The following CCDC88A variants were observed in gnomAD, a reference collection of about 807,000 sequenced individuals.
The protein encoded by CCDC88A is girdin.
CCDC88A carries 54 observed loss-of-function variants against 234.3 expected under a neutral mutation model. The observed-to-expected ratio is 0.23, with a 90% CI of 0.19 to 0.29. The LOEUF is 0.29. Among genes scored for constraint, CCDC88A ranks in the 10% least tolerant of loss-of-function variants. CCDC88A has a pLI of 1.00. For missense variants in CCDC88A, 1,832 were observed against 2,123.4 expected (o/e 0.86, Z 2.70); for synonymous variants, 753 against 737.8 (o/e 1.02, Z -0.33).
intron 1 of CCDC88A, 26 bp from the exon 2 acceptor site, chr2:55,418,942 G>A (rs750391638): frequency 6.9e-6 from 11 of 1,601,938 alleles, no homozygotes; most frequent in Admixed American, 1.7e-5. Context: ...GGATCACCAC[G>A]ACATGAACGC....
intron 14 of CCDC88A, among the ~76,000 whole-genome samples, chr2:55,336,189 G>T (rs1034425674): frequency 6.6e-6 from 1 of 152,102 alleles, no homozygotes; most frequent in Non-Finnish European, 1.5e-5. Context: ...GCTGGACCCT[G>T]TCTCAAATAA....
chr2:55,393,865 T>A (rs1470121587), intron 2 of CCDC88A, among the ~76,000 whole-genome samples: 4 of 152,264 alleles, frequency 2.6e-5, no homozygotes, highest in Non-Finnish European at 5.9e-5. Context: ...ATGTCTGCTG[T>A]AATTTTCTGA....
intron 10 of CCDC88A, 115 bp from the exon 11 acceptor site, chr2:55,344,629 A>G (rs1317764745): frequency 2.0e-6 from 1 of 511,374 alleles, no homozygotes; most frequent in Non-Finnish European, 3.3e-6. Context: ...GCATGAGGAA[A>G]CCTACTGAGT....
rs1288587559 is a variant in CCDC88A, at chr2:55,418,997, A to G, written c.63+20T>C. 4 of 1,607,730 alleles carry G rather than the reference A, an allele frequency of 2.5e-6. No homozygotes were observed. The highest frequency in any genetic ancestry group is 2.2e-5 in the South Asian group (2 of 90,954). On this transcript the variant is annotated intron_variant, in intron 1 of 32. Transcript: ENST00000436346. ...CACAAATAACTCAGCAAAATATACA[A>G]TAAAGGACACCCCACTTACCCAAGT...
chr2:55,369,708 C>T (rs938176247), intron 5 of CCDC88A, among the ~76,000 whole-genome samples: 28 of 152,220 alleles, frequency 1.8e-4, no homozygotes, highest in Middle Eastern at 3.4e-3. Context: ...CCACCCACCA[C>T]CACCCCTGGC....
intron 2 of CCDC88A, among the ~76,000 whole-genome samples, chr2:55,397,649 C>G (rs1677854791): frequency 6.6e-6 from 1 of 151,862 alleles, no homozygotes; most frequent in African/African-American, 2.4e-5. Flanking sequence ...TTGTCCCTGA[C>G]AGAGTTGTTG....
intron 10 of CCDC88A, chr2:55,345,961 CCA>C: frequency 2.6e-6 from 1 of 383,842 alleles, no homozygotes; most frequent in Non-Finnish European, 4.6e-6. Context: ...AAGAAGAACC[CCA>C]GAGTTCAATA....
chr2:55,294,813 C>T (rs1326779816), intron 31 of CCDC88A: 5 of 1,020,402 alleles, frequency 4.9e-6, no homozygotes, highest in African/African-American at 1.7e-5. Context: ...GAAGGAGGAG[C>T]ATGTATGGTT....
intron 22 of CCDC88A, chr2:55,314,333 T>G (rs1264829383): frequency 6.6e-6 from 1 of 152,264 alleles, no homozygotes; most frequent in Non-Finnish European, 1.5e-5. Flanking sequence ...CCACTAAGGT[T>G]GTCTCGTTGT....
At chr2:55,318,348 C>T (rs1260062852) in intron 19 of CCDC88A, among the ~76,000 whole-genome samples, 2 of 152,082 alleles carry the variant, frequency 1.3e-5, no homozygotes, top group Non-Finnish European at 2.9e-5. Flanking sequence ...GGAGAGGGAA[C>T]TTGTTTCTGC....
intron 2 of CCDC88A, among the ~76,000 whole-genome samples, chr2:55,400,247 G>A (rs1022700662): frequency 2.6e-5 from 4 of 152,076 alleles, no homozygotes; most frequent in Admixed American, 6.6e-5. Flanking sequence ...TGGAAAGGCC[G>A]TTTTCTAAAA....
chr2:55,414,511 C>T (rs555531164), intron 2 of CCDC88A, among the ~76,000 whole-genome samples: 9 of 152,244 alleles, frequency 5.9e-5, no homozygotes, highest in South Asian at 2.1e-4. Flanking sequence ...TAGTTTAAGA[C>T]GATTGAAGTC....
intron 16 of CCDC88A, among the ~76,000 whole-genome samples, chr2:55,330,399 G>A (rs543484879): frequency 1.4e-4 from 22 of 152,150 alleles, no homozygotes; most frequent in African/African-American, 2.4e-4. Context: ...CTTGAACCTC[G>A]GAGGCGGAGG....
rs550950241 is a variant in CCDC88A, at chr2:55,343,751, T to C, written c.1230A>G (p.Glu410=). The C allele has an allele frequency of 6.8e-5, 109 of 1,611,158 alleles. 1 individual carries two copies. The highest frequency in any genetic ancestry group is 2.5e-4 in the South Asian group (23 of 90,656). The change falls in exon 12 of 33, where the codon GAA becomes GAG. Residue 410 remains glutamate, a synonymous_variant. Coordinates refer to ENST00000436346, the MANE Select transcript of CCDC88A (RefSeq NM_001365480.1). ...GTGCCATTTCCAAAGTCATATTTTC[T>C]TCCATTAATTCTTCAATCTTTTTTC... ...MDRKKIEELM[E]ENMTLEMAQK... is the part of the protein sequence containing the mutation.
chr2:55,312,756 G>A, intron 22 of CCDC88A, 177 bp from the exon 23 acceptor site: 1 of 505,226 alleles, frequency 2.0e-6, no homozygotes, highest in Non-Finnish European at 3.5e-6. Flanking sequence ...TGGGTTACAT[G>A]CTGTCTCTCT....
At position 55,296,512 on chromosome 2, in the gene CCDC88A, T is replaced by C. The variant is rs764784534; in HGVS notation, c.4837A>G (p.Asn1613Asp). ...TGGCTTTGTGGCCTGCTTTGGTTAT[T>C]AACTGCACCTGCTTTTGGAGTAAAT... is the stretch of plus-strand genomic sequence containing the variant. ...SLHEVKAGAV[N>D]NQSRPQSHSS... is the part of the protein sequence containing the mutation. Residue 1613 changes from asparagine (N) to aspartate (D), a missense_variant, in exon 30 of 33, where the codon AAT becomes GAT. Coordinates refer to ENST00000436346, the MANE Select transcript of CCDC88A (RefSeq NM_001365480.1). 3.7e-6 allele frequency: 6 copies of C among 1,613,734 alleles called. No individual in the cohort carries two copies. The highest frequency in any genetic ancestry group is 5.1e-6 in the Non-Finnish European group (6 of 1,179,816).
chr2:55,328,558 G>T lies in CCDC88A; in HGVS notation c.2856-123C>A. 1 of 612,132 alleles carries T rather than the reference G, an allele frequency of 1.6e-6. No homozygotes were observed. Among genetic ancestry groups the T allele is most frequent in the Non-Finnish European group, 2.6e-6 (1 of 383,544 alleles). The allele number at this position is 612,132 out of a possible 1,614,324, so 37.9% of individuals were successfully genotyped here. On this transcript the variant is annotated intron_variant, in intron 16 of 32. Transcript: ENST00000436346. The surrounding 1 kb of genome is among the most constrained non-coding windows in gnomAD (Gnocchi z 4.3). ...TTATAAAAGCATTTTTGTTAAAGAG[G>T]CAAATGAAATTATCCTCTTCTTACT...
At chr2:55,376,332 C>T (rs911310265) in intron 3 of CCDC88A, among the ~76,000 whole-genome samples, 8 of 152,128 alleles carry the variant, frequency 5.3e-5, no homozygotes, top group Admixed American at 3.3e-4. Context: ...CTGAGGAATA[C>T]GTTTTTGAAG....
intron 23 of CCDC88A, among the ~76,000 whole-genome samples, chr2:55,310,651 T>C (rs1259164170): frequency 6.6e-6 from 1 of 152,054 alleles, no homozygotes; most frequent in Non-Finnish European, 1.5e-5. Context: ...GAGGGAAGGC[T>C]GAATTACAGT....
Sources: allele counts gnomAD v4.1 joint callset (sites outside exome capture counted in the v4.1 genomes callset), GRCh38; gene constraint gnomAD v4.1.1; non-coding constraint Gnocchi (gnomAD v3.1); transcripts MANE v1.5; gene names NCBI Gene and HGNC (gene_info 2026-07-23, HGNC 2026-07-21).